STK33: variants seen among roughly 807,000 people sequenced by gnomAD.
STK33 encodes serine/threonine-protein kinase 33.
Under a neutral mutation model 58.0 loss-of-function variants are expected in STK33, and 52 were observed. The ratio of observed to expected loss-of-function variants is 0.90; its 90% CI spans 0.72 to 1.13. The LOEUF is 1.13. Ranked by LOEUF, STK33 falls within the 50% of genes most tolerant of loss-of-function variation. The pLI, the probability that STK33 is intolerant of heterozygous loss-of-function variation, is 0.00. For missense variants in STK33, 630 were observed against 604.2 expected (o/e 1.04, Z -0.45); for synonymous variants, 215 against 200.1 (o/e 1.07, Z -0.63).
chr11:8,466,358 G>A (rs1043725527), intron 6 of STK33: 1 of 152,144 alleles, frequency 6.6e-6, no homozygotes, highest in African/African-American at 2.4e-5. Flanking sequence ...ATAGGCATTG[G>A]GTAAATATAG....
chr11:8,405,817 C>G (rs1164471547), intron 15 of STK33, among the ~76,000 whole-genome samples: 1 of 152,018 alleles, frequency 6.6e-6, no homozygotes, highest in Non-Finnish European at 1.5e-5. Context: ...TATCATTTAC[C>G]CCTTCGAATT....
chr11:8,523,747 C>T (rs1440786915), intron 1 of STK33, among the ~76,000 whole-genome samples: 8 of 151,736 alleles, frequency 5.3e-5, no homozygotes, highest in Non-Finnish European at 7.4e-5. Context: ...AGGTGGGGGG[C>T]GCCTCTGCCC....
chr11:8,457,334 T>C lies in STK33; in HGVS notation c.697+7A>G, dbSNP rs1433120812. 1.3e-6 allele frequency: 2 copies of C among 1,559,872 alleles called. No individual in the cohort carries two copies. The highest frequency in any genetic ancestry group is 1.8e-6 in the Non-Finnish European group (2 of 1,142,354). ...GGGGTCAATGAGCTGGATAACCCTCTTCTTACCATTATTGTGAAGATATGC... is the reference window on the plus strand; with the variant it reads ...GGGGTCAATGAGCTGGATAACCCTCCTCTTACCATTATTGTGAAGATATGC... On this transcript the variant is annotated splice_region_variant and intron_variant, in intron 9 of 15. Transcript: ENST00000687296.
At chr11:8,492,669 T>G (rs1381075633) in intron 1 of STK33, among the ~76,000 whole-genome samples, 1 of 152,180 alleles carries the variant, frequency 6.6e-6, no homozygotes, top group Non-Finnish European at 1.5e-5. Context: ...ACATCACACT[T>G]ATTCCAAAAT....
At chr11:8,491,074 A>C (rs905031797) in intron 1 of STK33, among the ~76,000 whole-genome samples, 4 of 152,248 alleles carry the variant, frequency 2.6e-5, no homozygotes, top group African/African-American at 9.6e-5. Flanking sequence ...AACAGAACAA[A>C]GCTGGACAGA....
chr11:8,383,569 C>G, the STK33 span, among the ~76,000 whole-genome samples: 4 of 152,292 alleles, frequency 2.6e-5, no homozygotes, highest in South Asian at 8.3e-4. Context: ...CCTGGCCCAC[C>G]ATTTTCTGAT....
intron 7 of STK33, among the ~76,000 whole-genome samples, chr11:8,463,206 T>C (rs1190252858): frequency 6.6e-6 from 1 of 152,200 alleles, no homozygotes; most frequent in Non-Finnish European, 1.5e-5. Flanking sequence ...CAGGGACTGA[T>C]TTAATGGAAG....
the STK33 span, among the ~76,000 whole-genome samples, chr11:8,353,798 C>T: frequency 3.3e-5 from 5 of 152,150 alleles, no homozygotes; most frequent in Non-Finnish European, 7.3e-5. Flanking sequence ...AACTTAAAGT[C>T]TCTCATCTGT....
In STK33 at chr11:8,501,015, C is replaced by A. The variant is rs535824050; in HGVS notation, c.-465-20401G>T. ...ACACACAAAAGAATAAATGTAGACC[C>A]ATATCTCACACCATATACAAAACTT... On this transcript the variant is annotated intron_variant, in intron 1 of 15. Transcript: ENST00000687296. 2.0e-5 allele frequency among the ~76,000 whole-genome samples: 3 copies of A among 152,220 alleles called. No homozygotes were observed. In the East Asian group the frequency reaches 5.8e-4, roughly 29 times the overall value.
intron 15 of STK33, among the ~76,000 whole-genome samples, chr11:8,394,359 C>T (rs181091893): frequency 6.6e-6 from 1 of 152,156 alleles, no homozygotes; most frequent in African/African-American, 2.4e-5. Context: ...CATACAAATG[C>T]TATTAAAAGG....
At position 8,442,030 on chromosome 11, in the gene STK33, T is replaced by TACAC. The variant is rs55646106; in HGVS notation, c.872-1281_872-1278dup. 3.6e-3 allele frequency among the ~76,000 whole-genome samples: 511 copies of TACAC among 143,428 alleles called. 1 individual carries two copies. Among genetic ancestry groups the TACAC allele is most frequent in the African/African-American group, 8.5e-3 (333 of 39,062 alleles). 94.1% of individuals were successfully genotyped at this position (143,428 alleles called of 152,430 possible). ...TCTCCCACCTACACATACCTACACC[T>TACAC]ACACACACACACACACACACACACA... On this transcript the variant is annotated intron_variant, in intron 11 of 15. Transcript: ENST00000687296.
intron 15 of STK33, among the ~76,000 whole-genome samples, chr11:8,395,668 A>T (rs982361490): frequency 4.6e-5 from 7 of 152,166 alleles, no homozygotes; most frequent in African/African-American, 1.7e-4. Flanking sequence ...TGGCTATGCA[A>T]TATTCTCTTG....
At chr11:8,563,003 A>G (rs745900676) in intron 1 of STK33, among the ~76,000 whole-genome samples, 28 of 152,176 alleles carry the variant, frequency 1.8e-4, no homozygotes, top group Non-Finnish European at 3.7e-4. Context: ...GGATTAGATT[A>G]TTCTAGCTAA....
chr11:8,561,340 A>T (rs1279794845), intron 1 of STK33, among the ~76,000 whole-genome samples: 1 of 152,092 alleles, frequency 6.6e-6, no homozygotes, highest in Non-Finnish European at 1.5e-5. Context: ...CACACATTCC[A>T]CCAAAACTCA....
intron 1 of STK33, among the ~76,000 whole-genome samples, chr11:8,507,643 G>A (rs1196194330): frequency 2.0e-5 from 3 of 152,074 alleles, no homozygotes; most frequent in African/African-American, 7.2e-5. Context: ...TACACTTAAA[G>A]GCACCCCTGA....
intron 1 of STK33, among the ~76,000 whole-genome samples, chr11:8,516,348 T>A (rs1022725219): frequency 6.6e-6 from 1 of 152,070 alleles, no homozygotes; most frequent in Admixed American, 6.5e-5. Flanking sequence ...AAACTGGATA[T>A]CCACATATAA....
chr11:8,577,374 TAGG>T (rs920397259), intron 1 of STK33, among the ~76,000 whole-genome samples: 6 of 152,048 alleles, frequency 3.9e-5, no homozygotes, highest in Non-Finnish European at 7.4e-5. Context: ...ATCAGAATAT[TAGG>T]AGAACAAACA....
At chr11:8,477,859 T>C (rs10769910) in intron 2 of STK33, among the ~76,000 whole-genome samples, 68,340 of 151,970 alleles carry the variant, frequency 0.45, 15,743 homozygotes, top group Non-Finnish European at 0.5. Context: ...GCATAAAGCA[T>C]AGGATTTCTT....
intron 1 of STK33, among the ~76,000 whole-genome samples, chr11:8,501,810 C>A (rs533477201): frequency 4.6e-5 from 7 of 152,194 alleles, no homozygotes; most frequent in African/African-American, 1.7e-4. Context: ...TGCAAAAATG[C>A]CCATCAGCTG....
Sources: gnomAD v4.1 joint callset for allele counts (sites outside exome capture counted in the v4.1 genomes callset) on GRCh38, gnomAD v4.1.1 for gene constraint, MANE v1.5 for transcripts, NCBI Gene and HGNC (gene_info 2026-07-23, HGNC 2026-07-21) for gene names.